Variants in CALN1 observed in about 807,000 individuals in gnomAD.
CALN1 encodes calcium-binding protein 8.
In CALN1, 17 loss-of-function variants were observed where a neutral mutation model predicts 30.6. The ratio of observed to expected loss-of-function variants is 0.56; its 90% confidence interval spans 0.38 to 0.83. CALN1 has a LOEUF of 0.83. CALN1 is among the 40% of genes least tolerant of loss of function. CALN1 has a pLI of 0.00. For synonymous variants in CALN1, 156 were observed against 131.4 expected (o/e 1.19, Z -1.28); for missense variants, 291 against 354.9 (o/e 0.82, Z 1.45).
At chr7:72,403,893 A>G (rs1270646243) in intron 1 of CALN1, among the ~76,000 whole-genome samples, 4 of 152,080 alleles carry the variant, frequency 2.6e-5, no homozygotes, top group African/African-American at 7.2e-5. Context: ...ACGGTGAAGG[A>G]CTCTGGCCCA....
chr7:72,022,334 A>G (rs1800752633), intron 5 of CALN1, among the ~76,000 whole-genome samples: 1 of 152,200 alleles, frequency 6.6e-6, no homozygotes, highest in Non-Finnish European at 1.5e-5. Flanking sequence ...TGACCATCAC[A>G]CTAATTAATC....
intron 3 of CALN1, among the ~76,000 whole-genome samples, chr7:72,194,695 G>A (rs1353059754): frequency 4.0e-5 from 6 of 149,180 alleles, no homozygotes; most frequent in East Asian, 4.2e-4. Context: ...GGGTTCAAGC[G>A]ATTCTCCTGC....
At chr7:72,149,593 C>G (rs1276562998) in intron 3 of CALN1, among the ~76,000 whole-genome samples, 1 of 152,106 alleles carries the variant, frequency 6.6e-6, no homozygotes, top group Non-Finnish European at 1.5e-5. Flanking sequence ...CTCACCTTTC[C>G]CACCCTCCCC....
chr7:72,267,426 G>A (rs1796671967), intron 3 of CALN1, among the ~76,000 whole-genome samples: 1 of 152,168 alleles, frequency 6.6e-6, no homozygotes. Flanking sequence ...GGCTCACACA[G>A]AGCTTTAAAA....
intron 3 of CALN1, among the ~76,000 whole-genome samples, chr7:72,167,583 G>C (rs1788618008): frequency 6.6e-6 from 1 of 152,166 alleles, no homozygotes; most frequent in African/African-American, 2.4e-5. Context: ...GACCTCAAGT[G>C]ATCCACCCTC....
Position 72,346,797 on chromosome 7 carries a change from G to A in CALN1, c.119+56454C>T, listed in dbSNP as rs530318668. Among the ~76,000 whole-genome samples the A allele has an allele frequency of 3.9e-5, 6 of 152,234 alleles. No homozygotes were observed. The South Asian group carries it at 1.2e-3, about 32-fold the overall frequency. Reference sequence around the variant, plus strand: ...TCCCAAAGTGTGGGATTACAGGTGTGAGCTGCAGCGCCCGGCCAAAATTTG... The same window carrying A: ...TCCCAAAGTGTGGGATTACAGGTGTAAGCTGCAGCGCCCGGCCAAAATTTG... On this transcript the variant is annotated intron_variant, in intron 2 of 6. Transcript: ENST00000395275.
the CALN1 span, among the ~76,000 whole-genome samples, chr7:72,478,417 AGATG>A: frequency 6.7e-6 from 1 of 150,162 alleles, no homozygotes; most frequent in East Asian, 1.9e-4. Context: ...TTTCTTAATT[AGATG>A]GGTGTGGTGG....
At chr7:72,156,504 C>T (rs1369397300) in intron 3 of CALN1, among the ~76,000 whole-genome samples, 1 of 152,194 alleles carries the variant, frequency 6.6e-6, no homozygotes, top group African/African-American at 2.4e-5. Flanking sequence ...AATGCTCACA[C>T]TGACTGGCCT....
chr7:72,405,512 C>A (rs887363960), intron 1 of CALN1, among the ~76,000 whole-genome samples: 4 of 152,152 alleles, frequency 2.6e-5, no homozygotes, highest in Non-Finnish European at 5.9e-5. Context: ...ATGGCTCCCA[C>A]GCAACTTCAC....
chr7:72,444,717 G>GC (rs1490571802), intron 1 of CALN1, among the ~76,000 whole-genome samples: 1 of 152,138 alleles, frequency 6.6e-6, no homozygotes, highest in African/African-American at 2.4e-5. Flanking sequence ...TGAAAGAAGA[G>GC]ATACTCCTTT....
intron 5 of CALN1, among the ~76,000 whole-genome samples, chr7:71,874,431 T>C (rs112136075): frequency 0.048 from 7,276 of 152,106 alleles, 541 homozygotes; most frequent in African/African-American, 0.16. Flanking sequence ...TTCTATGCAA[T>C]AAAGAAGGTC....
chr7:72,216,943 T>A (rs2129548729), intron 3 of CALN1, among the ~76,000 whole-genome samples: 1 of 151,992 alleles, frequency 6.6e-6, no homozygotes, highest in African/African-American at 2.4e-5. Flanking sequence ...GGGGTCTTGC[T>A]ATGTTGCCCA....
chr7:72,282,429 T>C (rs981645089), intron 2 of CALN1, among the ~76,000 whole-genome samples: 3 of 152,200 alleles, frequency 2.0e-5, no homozygotes, highest in Non-Finnish European at 2.9e-5. Flanking sequence ...AATCTAAGAC[T>C]CTAATGTGGT....
rs553816556 is a variant in CALN1, at chr7:72,278,667, A to G, written c.244+19T>C. 19 of 1,600,902 alleles carry G rather than the reference A, an allele frequency of 1.2e-5. No individual in the cohort carries two copies. The East Asian group carries it at 3.8e-4, about 32-fold the overall frequency. On this transcript the variant is annotated intron_variant, in intron 3 of 6. Transcript: ENST00000395275. ...CCCTGGGAGGGGGGCCATCCCCCCA[A>G]ACAGGGTAGGCTCCTTACCATCGAG...
chr7:72,385,446 A>G (rs1805154462), intron 2 of CALN1, among the ~76,000 whole-genome samples: 1 of 152,210 alleles, frequency 6.6e-6, no homozygotes, highest in African/African-American at 2.4e-5. Context: ...TACATCTATG[A>G]AATGGAATAT....
At chr7:72,416,853 G>A (rs535362751), upstream of CALN1, among the ~76,000 whole-genome samples, 1 of 152,254 alleles carries the variant, frequency 6.6e-6, no homozygotes, top group South Asian at 2.1e-4. Context: ...CGAGGGTTGA[G>A]CTGGGGTGGG....
intron 1 of CALN1, among the ~76,000 whole-genome samples, chr7:72,444,574 T>C (rs1051896263): frequency 3.3e-5 from 5 of 152,246 alleles, no homozygotes; most frequent in Admixed American, 6.5e-5. Flanking sequence ...TTGGGAGAGA[T>C]AGAGTGACAG....
chr7:72,040,642 G>A (rs1455138726), intron 4 of CALN1, among the ~76,000 whole-genome samples: 1 of 152,162 alleles, frequency 6.6e-6, no homozygotes, highest in Non-Finnish European at 1.5e-5. Flanking sequence ...CATAACTATG[G>A]AGCCCTAATC....
At chr7:72,438,731 C>G (rs564390234) in intron 1 of CALN1, among the ~76,000 whole-genome samples, 1 of 152,178 alleles carries the variant, frequency 6.6e-6, no homozygotes, top group African/African-American at 2.4e-5. Context: ...TGCTTCATCT[C>G]GTTGGCATTT....
Sources: gnomAD v4.1 joint callset for allele counts (sites outside exome capture counted in the v4.1 genomes callset) on GRCh38, gnomAD v4.1.1 for gene constraint, MANE v1.5 for transcripts, NCBI Gene and HGNC (gene_info 2026-07-23, HGNC 2026-07-21) for gene names.